The following GDI2 variants were observed in gnomAD, a reference collection of about 807,000 sequenced individuals.
GDI2 encodes the protein rab GDP dissociation inhibitor beta.
A neutral mutation model predicts 54.2 loss-of-function variants in GDI2; 22 were observed. The ratio of observed to expected loss-of-function variants is 0.41; its 90% CI spans 0.29 to 0.58. GDI2 has a LOEUF of 0.58. Ranked by LOEUF, GDI2 falls within the 20% of genes least tolerant of loss-of-function variation. GDI2 has a pLI of 0.35. For missense variants in GDI2, 422 were observed against 546.0 expected (o/e 0.77, Z 2.26); for synonymous variants, 177 against 182.1 (o/e 0.97, Z 0.23).
At chr10:5,794,188 A>AAAAAAT (rs1448053813) in intron 4 of GDI2, among the ~76,000 whole-genome samples, 25 of 40,340 alleles carry the variant, frequency 6.2e-4, no homozygotes, top group Admixed American at 8.6e-4. Flanking sequence ...AAAAAAAAAA[A>AAAAAAT]ATATATATAT....
In GDI2 at chr10:5,768,251, T is replaced by C; in HGVS notation, c.953A>G (p.Gln318Arg). 1 of 1,612,998 alleles carries C rather than the reference T, an allele frequency of 6.2e-7. No individual in the cohort carries two copies. The highest frequency in any genetic ancestry group is 8.5e-7 in the Non-Finnish European group (1 of 1,178,916). The change falls in exon 8 of 11, where the codon CAG becomes CGG. Residue 318 changes from glutamine to arginine, a missense_variant. Transcript: ENST00000380191. This position sits in a 1 kb window ranked among gnomAD's most constrained non-coding sequence, Gnocchi z 4.4. Reference protein sequence around the residue: ...IKNTNDANSCQIIIPQNQVNR... With the variant: ...IKNTNDANSCRIIIPQNQVNR... Reference sequence around the variant, plus strand: ...GACTTGGTTCTGTGGAATAATGATCTGGCAGGAGTTGGCATCATTGGTGTT... The same window carrying C: ...GACTTGGTTCTGTGGAATAATGATCCGGCAGGAGTTGGCATCATTGGTGTT...
chr10:5,802,406 C>T (rs998123343), intron 1 of GDI2, among the ~76,000 whole-genome samples: 2 of 152,108 alleles, frequency 1.3e-5, no homozygotes, highest in Non-Finnish European at 2.9e-5. Flanking sequence ...TGAGACCATC[C>T]TGGCCAACAT....
At chr10:5,780,718 T>C (rs1840736655) in intron 6 of GDI2, among the ~76,000 whole-genome samples, 2 of 152,156 alleles carry the variant, frequency 1.3e-5, no homozygotes, top group Admixed American at 1.3e-4. Flanking sequence ...TGAACAAAAA[T>C]GTGATAGATC....
At chr10:5,802,663 T>A (rs928919129) in intron 1 of GDI2, among the ~76,000 whole-genome samples, 2 of 151,972 alleles carry the variant, frequency 1.3e-5, no homozygotes, top group African/African-American at 4.8e-5. Flanking sequence ...GGTTCCCCAA[T>A]ACATGAAGAA....
In GDI2 at chr10:5,768,234, T is replaced by A; in HGVS notation, c.970A>T (p.Asn324Tyr). 6.2e-7 allele frequency: 1 copy of A among 1,613,508 alleles called. No individual in the cohort carries two copies. The highest frequency in any genetic ancestry group is 8.5e-7 in the Non-Finnish European group (1 of 1,179,410). Residue 324 changes from asparagine (N) to tyrosine (Y), a missense_variant, in exon 8 of 11, where the codon AAC becomes TAC. Coordinates refer to ENST00000380191, the MANE Select transcript of GDI2 (RefSeq NM_001494.4). This position sits in a 1 kb window ranked among gnomAD's most constrained non-coding sequence, Gnocchi z 4.4. ...ANSCQIIIPQNQVNRKSDIYV... is the reference protein window; with the variant it reads ...ANSCQIIIPQYQVNRKSDIYV... ...TCACCTGACTTTCGATTGACTTGGT[T>A]CTGTGGAATAATGATCTGGCAGGAG...
chr10:5,797,821 T>C (rs993851834), intron 2 of GDI2, among the ~76,000 whole-genome samples: 1 of 152,176 alleles, frequency 6.6e-6, no homozygotes, highest in African/African-American at 2.4e-5. Flanking sequence ...AGAACTAGGG[T>C]GTCACTGACA....
At chr10:5,788,236 C>CT (rs1824473477) in intron 4 of GDI2, among the ~76,000 whole-genome samples, 1 of 151,840 alleles carries the variant, frequency 6.6e-6, no homozygotes, top group African/African-American at 2.4e-5. Flanking sequence ...GTTGCCCAGG[C>CT]TGGTCTCAAA....
intron 1 of GDI2, among the ~76,000 whole-genome samples, chr10:5,806,426 A>C (rs1315665016): frequency 6.6e-6 from 1 of 151,812 alleles, no homozygotes; most frequent in Non-Finnish European, 1.5e-5. Flanking sequence ...AAACAAAAAA[A>C]CGTTTACTGA....
At chr10:5,769,835 A>T (rs1840444832) in intron 7 of GDI2, among the ~76,000 whole-genome samples, 1 of 152,234 alleles carries the variant, frequency 6.6e-6, no homozygotes, top group Non-Finnish European at 1.5e-5. Context: ...TTTCTCAAAC[A>T]TTAAAAACAG....
At chr10:5,781,823 G>A (rs1431028732) in intron 6 of GDI2, among the ~76,000 whole-genome samples, 3 of 151,934 alleles carry the variant, frequency 2.0e-5, no homozygotes, top group African/African-American at 7.3e-5. Flanking sequence ...AGACCAGCCT[G>A]TTCAATAACG....
chr10:5,806,060 T>C (rs1841373350), intron 1 of GDI2, among the ~76,000 whole-genome samples: 1 of 152,208 alleles, frequency 6.6e-6, no homozygotes, highest in Non-Finnish European at 1.5e-5. Context: ...CTGTTATATA[T>C]CAAGAAGAGT....
At chr10:5,807,929 T>G (rs1212693144) in intron 1 of GDI2, among the ~76,000 whole-genome samples, 1 of 152,184 alleles carries the variant, frequency 6.6e-6, no homozygotes, top group Non-Finnish European at 1.5e-5. Context: ...AACAATGGTA[T>G]GCTGAAAAAT....
chr10:5,800,791 T>C (rs1165178025), intron 1 of GDI2, 86 bp from the exon 2 acceptor site: 1 of 766,704 alleles, frequency 1.3e-6, no homozygotes, highest in Non-Finnish European at 2.4e-6. Flanking sequence ...CATTACACAT[T>C]CTCTTAGTAA....
intron 4 of GDI2, among the ~76,000 whole-genome samples, chr10:5,786,281 C>T (rs1840875229): frequency 6.6e-6 from 1 of 150,454 alleles, no homozygotes. Context: ...AGCGATTCTC[C>T]TGTCTCAGCC....
At chr10:5,770,002 T>C (rs1486801217) in intron 7 of GDI2, among the ~76,000 whole-genome samples, 1 of 152,204 alleles carries the variant, frequency 6.6e-6, no homozygotes, top group Non-Finnish European at 1.5e-5. Flanking sequence ...GATGAATGGA[T>C]AAGCAAACTA....
rs1005455698 is a variant in GDI2 at position 5,768,425 on chromosome 10, A to C, written c.820-41T>G. ...TAAGAAGACACTGAAGCGGACAAGG[A>C]TATAGGGAAACACATCCCATGTTCA... is the stretch of plus-strand genomic sequence containing the variant. On this transcript the variant is annotated intron_variant, in intron 7 of 10. Transcript: ENST00000380191. The surrounding 1 kb of genome is among the most constrained non-coding windows in gnomAD (Gnocchi z 4.4). The C allele has an allele frequency of 3.8e-6, 5 of 1,303,526 alleles. No homozygotes were observed. The African/African-American group carries it at 7.2e-5, about 19-fold the overall frequency. 80.7% of individuals were successfully genotyped at this position (1,303,526 alleles called of 1,614,324 possible). A position where few individuals can be genotyped will look rare whatever the true frequency, so the allele number is the denominator to read the frequency against.
intron 4 of GDI2, among the ~76,000 whole-genome samples, chr10:5,792,018 CAA>C (rs1474060975): frequency 6.6e-6 from 1 of 151,778 alleles, no homozygotes; most frequent in Non-Finnish European, 1.5e-5. Context: ...AAGGAGTGGC[CAA>C]GAGATCTAGA....
At chr10:5,792,959 CAAAAA>C (rs34475268) in intron 4 of GDI2, among the ~76,000 whole-genome samples, 2 of 92,008 alleles carry the variant, frequency 2.2e-5, no homozygotes, top group African/African-American at 7.7e-5. Flanking sequence ...GACCTTTGTC[CAAAAA>C]AAAAAAAAAA....
At position 5,774,037 on chromosome 10, in the gene GDI2, T is replaced by C. The variant is rs188499071; in HGVS notation, c.720-96A>G. 3.6e-5 allele frequency: 21 copies of C among 587,288 alleles called. No individual in the cohort carries two copies. The highest frequency in any genetic ancestry group is 3.2e-4 in the African/African-American group (17 of 52,308). The allele number at this position is 587,288 out of a possible 1,614,324, so 36.4% of individuals were successfully genotyped here. The stretch of plus-strand genomic sequence containing the variant: ...CTTAATGAGTTACAGACAATATACA[T>C]TTGTTCAATTTCCTTCTAGAAAGAT... On this transcript the variant is annotated intron_variant, in intron 6 of 10. Transcript: ENST00000380191. The surrounding 1 kb of genome is among the most constrained non-coding windows in gnomAD (Gnocchi z 4.8).
Sources: allele counts gnomAD v4.1 joint callset (sites outside exome capture counted in the v4.1 genomes callset), GRCh38; gene constraint gnomAD v4.1.1; non-coding constraint Gnocchi (gnomAD v3.1); transcripts MANE v1.5; gene names NCBI Gene and HGNC (gene_info 2026-07-23, HGNC 2026-07-21).